TMCO1: variants seen among roughly 807,000 people sequenced by gnomAD.
The protein encoded by TMCO1 is transmembrane and coiled-coil domains 1, also known as calcium load-activated calcium channel.
A neutral mutation model predicts 29.3 loss-of-function variants in TMCO1; 29 were observed. The observed-to-expected ratio is 0.99, with a 90% CI of 0.74 to 1.35. TMCO1 has a LOEUF of 1.35. Ranked by LOEUF, TMCO1 falls within the 40% of genes most tolerant of loss-of-function variation. TMCO1 has a pLI of 0.00. For missense variants in TMCO1, 173 were observed against 225.5 expected (o/e 0.77, Z 1.49); for synonymous variants, 80 against 77.1 (o/e 1.04, Z -0.20).
chr1:165,745,035 G>C (rs1241206922), intron 5 of TMCO1, among the ~76,000 whole-genome samples: 5 of 151,722 alleles, frequency 3.3e-5, no homozygotes, highest in African/African-American at 1.2e-4. Context: ...ATTTTTGTTT[G>C]CTTCACACAG....
intron 6 of TMCO1, among the ~76,000 whole-genome samples, chr1:165,732,508 T>C (rs1651209880): frequency 1.6e-5 from 2 of 123,500 alleles, no homozygotes. Context: ...TCTCTCTCTA[T>C]ATATATATAT....
Position 165,743,146 on chromosome 1 carries a change from ATGGTAGATGTGATCACTCACC to A in TMCO1, c.468_468+20del. On this transcript the variant is annotated splice_donor_variant and splice_donor_5th_base_variant and coding_sequence_variant and intron_variant, in exon 6 of 7. Coordinates refer to ENST00000367881, the MANE Select transcript of TMCO1 (RefSeq NM_019026.6). LOFTEE classifies it high-confidence loss of function. The stretch of plus-strand genomic sequence containing the variant: ...CAGCAAGGAAAAATATACATATTAA[ATGGTAGATGTGATCACTCACC>A]TGTCGAATCGACATAGTACAGAGAA... 1 of 1,613,542 alleles carries A rather than the reference ATGGTAGATGTGATCACTCACC, an allele frequency of 6.2e-7. No individual in the cohort carries two copies.
chr1:165,724,317 CATTA>C (rs758417134), downstream of TMCO1: 32 of 448,476 alleles, frequency 7.1e-5, no homozygotes, highest in Non-Finnish European at 1.2e-4. Context: ...TTTAATATCT[CATTA>C]ATTAATAGAT....
intron 2 of TMCO1, among the ~76,000 whole-genome samples, chr1:165,766,778 A>AAATAAAC (rs56155420): frequency 6.6e-6 from 1 of 151,150 alleles, no homozygotes; most frequent in Non-Finnish European, 1.5e-5. Context: ...ATAAATAAAT[A>AAATAAAC]AAAAATAAAA....
At chr1:165,726,042 T>TA, downstream of TMCO1, 1 of 689,698 alleles carries the variant, frequency 1.4e-6, no homozygotes, top group Non-Finnish European at 2.6e-6. Flanking sequence ...GTATGAGTGA[T>TA]AGAGTGTGCT....
chr1:165,727,848 A>G lies in TMCO1; in HGVS notation c.*175T>C. ...AAAATCATCTAGGACCAAAAGCACTATCAAGTTTGCTGGCTGCCATTTTCA... is the reference window on the plus strand; with the variant it reads ...AAAATCATCTAGGACCAAAAGCACTGTCAAGTTTGCTGGCTGCCATTTTCA... On this transcript the variant is annotated 3_prime_UTR_variant, in exon 7 of 7. Transcript: ENST00000367881. 1 of 550,292 alleles carries G rather than the reference A, an allele frequency of 1.8e-6. No homozygotes were observed. Among genetic ancestry groups the G allele is most frequent in the Non-Finnish European group, 3.5e-6 (1 of 288,474 alleles). 34.1% of individuals were successfully genotyped at this position (550,292 alleles called of 1,614,324 possible).
intron 6 of TMCO1, among the ~76,000 whole-genome samples, chr1:165,730,514 A>G (rs1164833906): frequency 6.6e-6 from 1 of 152,112 alleles, no homozygotes; most frequent in Non-Finnish European, 1.5e-5. Context: ...CTTTAAGAAG[A>G]CATCTGAAAT....
At chr1:165,744,376 A>G (rs1651711222) in intron 5 of TMCO1, among the ~76,000 whole-genome samples, 1 of 152,244 alleles carries the variant, frequency 6.6e-6, no homozygotes, top group Non-Finnish European at 1.5e-5. Flanking sequence ...TAAAAGTACT[A>G]GTTATCTCAG....
In TMCO1 at chr1:165,726,843, A is replaced by C. The variant is rs190014309; in HGVS notation, c.*1180T>G. Reference sequence around the variant, plus strand: ...TATTTTGCCTCCAATATTGTACATAAAATTCTAAGTTGATACTTATTTTCC... The same window carrying C: ...TATTTTGCCTCCAATATTGTACATACAATTCTAAGTTGATACTTATTTTCC... On this transcript the variant is annotated 3_prime_UTR_variant, in exon 7 of 7. Transcript: ENST00000367881. 2.2e-6 allele frequency: 1 copy of C among 453,572 alleles called. No individual in the cohort carries two copies. Among genetic ancestry groups the C allele is most frequent in the South Asian group, 1.6e-5 (1 of 64,264 alleles). The allele number at this position is 453,572 out of a possible 1,614,324, so 28.1% of individuals were successfully genotyped here. A position where few individuals can be genotyped will look rare whatever the true frequency, so the allele number is the denominator to read the frequency against.
At chr1:165,739,133 T>C (rs1651494191) in intron 6 of TMCO1, among the ~76,000 whole-genome samples, 1 of 152,180 alleles carries the variant, frequency 6.6e-6, no homozygotes, top group African/African-American at 2.4e-5. Context: ...CTCTTTTTTG[T>C]ATTCAGCAAG....
rs555945315 is a variant in TMCO1, at chr1:165,755,749, T to C, written c.209-1475A>G. 1.2e-4 allele frequency among the ~76,000 whole-genome samples: 18 copies of C among 152,286 alleles called. No individual in the cohort carries two copies. In the East Asian group the frequency reaches 3.1e-3, roughly 26 times the overall value. On this transcript the variant is annotated intron_variant, in intron 3 of 6. Coordinates refer to ENST00000367881, the MANE Select transcript of TMCO1 (RefSeq NM_019026.6). ...CAGAATGTCTGCTCTCCCTTTCCCA[T>C]CCACCTTCTGGGGACATCTGCCTGG...
At chr1:165,757,786 C>CCATG (rs1652253607) in intron 3 of TMCO1, among the ~76,000 whole-genome samples, 1 of 152,212 alleles carries the variant, frequency 6.6e-6, no homozygotes, top group South Asian at 2.1e-4. Context: ...GCGTGAGCCA[C>CCATG]CATGCCTGGC....
intron 6 of TMCO1, among the ~76,000 whole-genome samples, chr1:165,728,913 A>T (rs1226395763): frequency 6.6e-6 from 1 of 152,004 alleles, no homozygotes; most frequent in African/African-American, 2.4e-5. Context: ...CTTGGACAAC[A>T]TGGTAAAACC....
chr1:165,760,144 A>G (rs975143614), intron 2 of TMCO1, among the ~76,000 whole-genome samples: 4 of 152,176 alleles, frequency 2.6e-5, no homozygotes, highest in Admixed American at 6.5e-5. Flanking sequence ...AGCTAAGACC[A>G]GACAGACGCA....
At chr1:165,730,753 C>T (rs1158235879) in intron 6 of TMCO1, among the ~76,000 whole-genome samples, 1 of 151,940 alleles carries the variant, frequency 6.6e-6, no homozygotes, top group East Asian at 1.9e-4. Context: ...GCCACCATGC[C>T]CAGCTAATTT....
intron 5 of TMCO1, among the ~76,000 whole-genome samples, chr1:165,748,158 C>CAAAAAA (rs1282605917): frequency 0.012 from 1,477 of 125,112 alleles, 33 homozygotes; most frequent in African/African-American, 0.042. Context: ...GACTCCATTT[C>CAAAAAA]AAAAAAAAAA....
intron 6 of TMCO1, among the ~76,000 whole-genome samples, chr1:165,735,470 T>C (rs1169995548): frequency 1.1e-4 from 17 of 150,668 alleles, no homozygotes; most frequent in African/African-American, 3.9e-4. Context: ...AAAAGGAGCC[T>C]CAAATTTTGC....
intron 6 of TMCO1, among the ~76,000 whole-genome samples, chr1:165,742,307 G>C (rs1651629142): frequency 1.3e-5 from 2 of 151,732 alleles, no homozygotes; most frequent in Admixed American, 1.3e-4. Context: ...CTGCTGCCCA[G>C]GCTAAAGTCC....
chr1:165,759,436 TC>T, intron 3 of TMCO1, 88 bp downstream of exon 3: 1 of 897,944 alleles, frequency 1.1e-6, no homozygotes, highest in Non-Finnish European at 1.8e-6. Context: ...ATGTGAGTTA[TC>T]ACTATTAATA....
Sources: gnomAD v4.1 joint callset for allele counts (sites outside exome capture counted in the v4.1 genomes callset) on GRCh38, gnomAD v4.1.1 for gene constraint, MANE v1.5 for transcripts, NCBI Gene and HGNC (gene_info 2026-07-23, HGNC 2026-07-21) for gene names.